AIMP1: variants seen among roughly 807,000 people sequenced by gnomAD.
AIMP1 encodes aminoacyl tRNA synthetase complex interacting multifunctional protein 1.
Under a neutral mutation model 33.1 loss-of-function variants are expected in AIMP1, and 24 were observed. That is an observed-to-expected ratio of 0.73 (90% CI 0.53 to 1.02). The LOEUF is 1.02. AIMP1 is among the 50% of genes least tolerant of loss of function. The pLI, the probability that AIMP1 is intolerant of heterozygous loss-of-function variation, is 0.00. For missense variants in AIMP1, 367 were observed against 364.8 expected (o/e 1.01, Z -0.05); for synonymous variants, 120 against 121.5 (o/e 0.99, Z 0.08).
At chr4:106,339,478 G>T (rs1770013870) in intron 6 of AIMP1, among the ~76,000 whole-genome samples, 1 of 152,044 alleles carries the variant, frequency 6.6e-6, no homozygotes, top group Admixed American at 6.6e-5. Context: ...GTGCTCTCTT[G>T]CCTGCTGCCA....
At chr4:106,325,643 G>C (rs1302613713) in intron 2 of AIMP1, among the ~76,000 whole-genome samples, 7 of 151,878 alleles carry the variant, frequency 4.6e-5, no homozygotes, top group Admixed American at 4.6e-4. Flanking sequence ...CTAGCCTCTT[G>C]ATAAGCATTT....
intron 6 of AIMP1, among the ~76,000 whole-genome samples, chr4:106,342,505 T>C (rs1770134291): frequency 6.6e-6 from 1 of 152,194 alleles, no homozygotes; most frequent in South Asian, 2.1e-4. Flanking sequence ...GGAGGTAGAT[T>C]TTATTTAAAG....
chr4:106,332,616 TATATATATATATATAC>T (rs1217483412), intron 5 of AIMP1, among the ~76,000 whole-genome samples: 4 of 99,936 alleles, frequency 4.0e-5, no homozygotes, highest in Admixed American at 9.0e-5. Flanking sequence ...CAGAGATACA[TATATATATATATATAC>T]ATATATATAT....
upstream of AIMP1, chr4:106,316,282 C>A: frequency 2.6e-6 from 1 of 388,686 alleles, no homozygotes; most frequent in Non-Finnish European, 4.7e-6. Flanking sequence ...AAGACCCCGA[C>A]TTGTGGTGTC....
intron 6 of AIMP1, among the ~76,000 whole-genome samples, chr4:106,339,370 A>T (rs1331739776): frequency 6.6e-6 from 1 of 152,146 alleles, no homozygotes; most frequent in Non-Finnish European, 1.5e-5. Context: ...GTAGGAGGTA[A>T]TTGAATCCTG....
At chr4:106,332,726 A>G (rs1029557284) in intron 5 of AIMP1, among the ~76,000 whole-genome samples, 1 of 150,934 alleles carries the variant, frequency 6.6e-6, no homozygotes, top group South Asian at 2.1e-4. Context: ...ATACTCATTT[A>G]TCTCACTCTG....
rs13534 is a variant in AIMP1 at position 106,348,870 on chromosome 4, G to C, written c.*1178G>C. On this transcript the variant is annotated 3_prime_UTR_variant, in exon 7 of 7. Transcript: ENST00000672341. ...TGGCATCAATAGAGGCAGAAGTATA[G>C]ACATTGTTTTAAAAATACACACATG... 1 of 151,836 alleles carries C rather than the reference G, an allele frequency of 6.6e-6. No individual in the cohort carries two copies. Among genetic ancestry groups the C allele is most frequent in the Admixed American group, 6.6e-5 (1 of 15,236 alleles). The allele number at this position is 151,836 out of a possible 1,614,324, so 9.4% of individuals were successfully genotyped here.
chr4:106,337,064 T>C, intron 6 of AIMP1, 27 bp downstream of exon 6: 1 of 1,598,526 alleles, frequency 6.3e-7, no homozygotes, highest in Non-Finnish European at 8.6e-7. Flanking sequence ...AATTACTTAA[T>C]AGTTTCGGAA....
chr4:106,331,694 G>A lies in AIMP1; in HGVS notation c.414G>A (p.Gln138=). The A allele has an allele frequency of 5.6e-6, 9 of 1,614,056 alleles. No homozygotes were observed. Among genetic ancestry groups the A allele is most frequent in the Admixed American group, 1.7e-5 (1 of 60,018 alleles). Residue 138 remains glutamine, a synonymous_variant, in exon 5 of 7, where the codon CAG becomes CAA. Transcript: ENST00000672341. ...EKKGEKKEKK[Q]QSIAGSADSK... ...TAGGAGAGAAGAAGGAGAAAAAACA[G>A]CAATCAATAGCTGGAAGTGCCGACT...
intron 4 of AIMP1, among the ~76,000 whole-genome samples, chr4:106,330,510 T>C (rs1219602440): frequency 6.6e-6 from 1 of 152,246 alleles, no homozygotes; most frequent in African/African-American, 2.4e-5. Context: ...CCCTCTTTGA[T>C]AAACTTATTG....
chr4:106,344,644 C>G (rs1770225888), intron 6 of AIMP1, among the ~76,000 whole-genome samples: 1 of 152,168 alleles, frequency 6.6e-6, no homozygotes, highest in Admixed American at 6.5e-5. Context: ...TTATATTACT[C>G]TGCTCAAAAC....
intron 5 of AIMP1, among the ~76,000 whole-genome samples, chr4:106,332,761 A>G (rs1020555385): frequency 6.6e-6 from 1 of 151,736 alleles, no homozygotes; most frequent in Non-Finnish European, 1.5e-5. Flanking sequence ...TAATCCCTAT[A>G]CTGTTCAGCT....
intron 6 of AIMP1, among the ~76,000 whole-genome samples, chr4:106,339,449 A>G (rs1331141740): frequency 6.6e-6 from 1 of 152,096 alleles, no homozygotes; most frequent in African/African-American, 2.4e-5. Flanking sequence ...GGTTTTATAA[A>G]AGGGCAATTC....
intron 1 of AIMP1, among the ~76,000 whole-genome samples, chr4:106,323,449 A>C (rs1769342389): frequency 6.6e-6 from 1 of 152,098 alleles, no homozygotes. Flanking sequence ...AATACAGACC[A>C]AAAGAGCACA....
upstream of AIMP1, chr4:106,316,466 T>G: frequency 7.3e-7 from 1 of 1,365,136 alleles, no homozygotes; most frequent in East Asian, 2.5e-5. Flanking sequence ...GAGGGTTGAA[T>G]CTGTAGAACA....
At chr4:106,343,779 A>G (rs1404690154) in intron 6 of AIMP1, among the ~76,000 whole-genome samples, 1 of 152,240 alleles carries the variant, frequency 6.6e-6, no homozygotes, top group African/African-American at 2.4e-5. Context: ...CTTTGTGAGA[A>G]TGCACTATTT....
intron 1 of AIMP1, among the ~76,000 whole-genome samples, chr4:106,324,519 T>G (rs1217925198): frequency 6.6e-6 from 1 of 152,086 alleles, no homozygotes; most frequent in Non-Finnish European, 1.5e-5. Context: ...TTTCTTTTAA[T>G]ATTTATCTTT....
At chr4:106,327,072 A>G (rs574940510) in intron 2 of AIMP1, among the ~76,000 whole-genome samples, 10 of 152,298 alleles carry the variant, frequency 6.6e-5, no homozygotes, top group Admixed American at 5.9e-4. Flanking sequence ...GGCATGAGCC[A>G]CTACACCTGG....
chr4:106,316,460 G>T (rs1375948534), upstream of AIMP1: 8 of 1,328,990 alleles, frequency 6.0e-6, no homozygotes, highest in Non-Finnish European at 8.5e-6. Flanking sequence ...AGAATTGAGG[G>T]TTGAATCTGT....
Sources: gnomAD v4.1 joint callset for allele counts (sites outside exome capture counted in the v4.1 genomes callset) on GRCh38, gnomAD v4.1.1 for gene constraint, MANE v1.5 for transcripts, NCBI Gene and HGNC (gene_info 2026-07-23, HGNC 2026-07-21) for gene names.